Variants in PCM1 observed in about 807,000 individuals in gnomAD.
The protein encoded by PCM1 is pericentriolar material 1 protein.
A neutral mutation model predicts 241.9 loss-of-function variants in PCM1; 157 were observed. That is an observed-to-expected ratio of 0.65 (90% CI 0.57 to 0.74). The LOEUF (loss-of-function observed/expected upper bound fraction) is 0.74. Among genes scored for constraint, PCM1 ranks in the 30% least tolerant of loss-of-function variants. PCM1 has a pLI of 0.00. For synonymous variants in PCM1, 1,085 were observed against 784.9 expected (o/e 1.38, Z -6.39); for missense variants, 3,478 against 2,360.1 (o/e 1.47, Z -9.81).
At chr8:17,996,598 T>G (rs996645971) in intron 29 of PCM1, among the ~76,000 whole-genome samples, 1 of 152,186 alleles carries the variant, frequency 6.6e-6, no homozygotes, top group African/African-American at 2.4e-5. Context: ...TATTTCTGCT[T>G]TGATCTTTAT....
At chr8:18,007,284 A>G (rs540042025) in intron 30 of PCM1, among the ~76,000 whole-genome samples, 2 of 152,282 alleles carry the variant, frequency 1.3e-5, no homozygotes, top group South Asian at 2.1e-4. Flanking sequence ...GATAATCACT[A>G]TTAACTTTTT....
At position 17,990,023 on chromosome 8, in the gene PCM1, T is replaced by C. The variant is rs1050165797; in HGVS notation, c.4531+44T>C. On this transcript the variant is annotated intron_variant, in intron 27 of 38. Transcript: ENST00000325083. ...AATCTTAGAAACAACTTTAAGTTGA[T>C]CTGGTCCAGTCTTTGAATTGGCGTT... is the stretch of plus-strand genomic sequence containing the variant. The C allele has an allele frequency of 4.9e-6, 7 of 1,438,852 alleles. No homozygotes were observed. In the African/African-American group the frequency reaches 8.7e-5, roughly 18 times the overall value. 89.1% of individuals were successfully genotyped at this position (1,438,852 alleles called of 1,614,324 possible).
intron 9 of PCM1, among the ~76,000 whole-genome samples, chr8:17,954,601 C>T (rs1022429534): frequency 1.3e-5 from 2 of 152,024 alleles, no homozygotes; most frequent in Non-Finnish European, 2.9e-5. Context: ...GTAGACTCGT[C>T]AAGGAATAGA....
chr8:17,992,807 G>C (rs1215982237), intron 28 of PCM1, among the ~76,000 whole-genome samples: 1 of 151,644 alleles, frequency 6.6e-6, no homozygotes, highest in Non-Finnish European at 1.5e-5. Flanking sequence ...AGTAGAGATG[G>C]GATTTCAGCA....
Position 17,989,792 on chromosome 8 carries a change from CTGTT to C in PCM1, c.4411-66_4411-63del, listed in dbSNP as rs1296047449. On this transcript the variant is annotated intron_variant, in intron 26 of 38. Transcript: ENST00000325083. ...ATTTTATGTAAATACTTAGTTATCT[CTGTT>C]AGATTATTAATATGAAATTCTTAGA... is the stretch of plus-strand genomic sequence containing the variant. 9 of 1,097,784 alleles carry C rather than the reference CTGTT, an allele frequency of 8.2e-6. No homozygotes were observed. In the African/African-American group the frequency reaches 1.1e-4, roughly 14 times the overall value. The allele number at this position is 1,097,784 out of a possible 1,614,324, so 68.0% of individuals were successfully genotyped here. A position where few individuals can be genotyped will look rare whatever the true frequency, so the allele number is the denominator to read the frequency against.
intron 36 of PCM1, among the ~76,000 whole-genome samples, chr8:18,024,303 C>G (rs907102813): frequency 2.0e-5 from 3 of 152,088 alleles, no homozygotes; most frequent in Admixed American, 6.5e-5. Flanking sequence ...GAGTTCTAGA[C>G]TATGGTGAAC....
Position 17,955,623 on chromosome 8 carries a change from A to C in PCM1, c.1442A>C (p.Glu481Ala). The change falls in exon 10 of 39, where the codon GAA becomes GCA. Residue 481 changes from glutamate to alanine, a missense_variant. Glu to Ala is a moderately radical substitution (Grantham distance 107). Coordinates refer to ENST00000325083, the MANE Select transcript of PCM1 (RefSeq NM_006197.4). ...SLVSQNESEN[E>A]GHLNPSEKLQ... ...GTATCTCAGAATGAGAGTGAAAACG[A>C]AGGCCACCTCAATCCATCTGAAAAA... is the stretch of plus-strand genomic sequence containing the variant. 2 of 1,613,582 alleles carry C rather than the reference A, an allele frequency of 1.2e-6. No homozygotes were observed. Among genetic ancestry groups the C allele is most frequent in the Non-Finnish European group, 1.7e-6 (2 of 1,179,512 alleles).
chr8:17,952,558 A>G (rs1251815351), intron 8 of PCM1, among the ~76,000 whole-genome samples: 1 of 152,186 alleles, frequency 6.6e-6, no homozygotes, highest in African/African-American at 2.4e-5. Flanking sequence ...TAACACAACA[A>G]TTTTTAAAAT....
chr8:18,015,971 C>A (rs561809847), intron 36 of PCM1, among the ~76,000 whole-genome samples: 39 of 152,366 alleles, frequency 2.6e-4, no homozygotes, highest in Non-Finnish European at 4.7e-4. Context: ...TCACTGCAAC[C>A]TCTGCCTCCT....
Position 18,029,256 on chromosome 8 carries a change from T to C in PCM1, c.*1594T>C, listed in dbSNP as rs1047353243. ...ATGAGGATTTCCCTGCGAGGACATT[T>C]ACTGTATTGCTACTTAAATTATGGA... On this transcript the variant is annotated 3_prime_UTR_variant, in exon 39 of 39. Coordinates refer to ENST00000325083, the MANE Select transcript of PCM1 (RefSeq NM_006197.4). 118 of 211,408 alleles carry C rather than the reference T, an allele frequency of 5.6e-4. No homozygotes were observed. The highest frequency in any genetic ancestry group is 2.5e-3 in the African/African-American group (111 of 44,164). The allele number at this position is 211,408 out of a possible 1,614,324, so 13.1% of individuals were successfully genotyped here.
chr8:17,957,499 C>T (rs117021531), intron 12 of PCM1, 41 bp from the exon 13 acceptor site: 30,476 of 1,605,712 alleles, frequency 0.019, 480 homozygotes, highest in South Asian at 0.049. Context: ...GTGCTCTTTC[C>T]TTTAAAAGTT....
At chr8:17,958,616 G>T (rs1159442722) in intron 13 of PCM1, among the ~76,000 whole-genome samples, 2 of 152,024 alleles carry the variant, frequency 1.3e-5, no homozygotes, top group Non-Finnish European at 2.9e-5. Flanking sequence ...TTTTGTGAGT[G>T]AAAAACCTCA....
At chr8:17,991,429 T>C (rs1163136194) in intron 27 of PCM1, 113 bp from the exon 28 acceptor site, 9 of 794,528 alleles carry the variant, frequency 1.1e-5, no homozygotes, top group Non-Finnish European at 1.8e-5. Context: ...TAGAACTTGT[T>C]AAAGCTAATT....
rs181095159 is a variant in PCM1 at position 17,986,095 on chromosome 8, G to T, written c.4410+8G>T. On this transcript the variant is annotated splice_region_variant and intron_variant, in intron 26 of 38. Transcript: ENST00000325083. ...CTTGCTACTACTGATGATGTAAGCT[G>T]ATAATGATTAGTGAATTGTAGATAT... 54 of 1,536,208 alleles carry T rather than the reference G, an allele frequency of 3.5e-5. No homozygotes were observed. The Admixed American group carries it at 8.9e-4, about 25-fold the overall frequency.
rs759857794 is a variant in PCM1 at position 17,962,076 on chromosome 8, A to G, written c.2365A>G (p.Met789Val). The change falls in exon 16 of 39, where the codon ATG becomes GTG. Residue 789 changes from methionine (M) to valine (V), a missense_variant. By Grantham distance (21) the Met-to-Val change is conservative. Transcript: ENST00000325083. The part of the protein sequence containing the change: ...SVGNCPTKKY[M>V]PAVTSTPTVN... ...GGGTAACTGTCCCACCAAAAAATATATGCCAGCTGTTACTTCAACCCCAAC... is the reference window on the plus strand; with the variant it reads ...GGGTAACTGTCCCACCAAAAAATATGTGCCAGCTGTTACTTCAACCCCAAC... 30 of 1,611,830 alleles carry G rather than the reference A, an allele frequency of 1.9e-5. No homozygotes were observed. Among genetic ancestry groups the G allele is most frequent in the Non-Finnish European group, 2.5e-5 (29 of 1,178,754 alleles).
chr8:17,926,349 A>G (rs2056947403), intron 2 of PCM1: 1 of 152,186 alleles, frequency 6.6e-6, no homozygotes, highest in African/African-American at 2.4e-5. Flanking sequence ...GTACAGAACT[A>G]AGAAGACAAC....
At chr8:17,927,496 G>T (rs1281817736) in intron 2 of PCM1, 1 of 151,998 alleles carries the variant, frequency 6.6e-6, no homozygotes, top group African/African-American at 2.4e-5. Context: ...TATTTTCATG[G>T]TAATTAATAC....
At chr8:17,957,192 A>C (rs951979336) in intron 11 of PCM1, 72 bp from the exon 12 acceptor site, 1 of 1,182,078 alleles carries the variant, frequency 8.5e-7, no homozygotes, top group Non-Finnish European at 1.2e-6. Flanking sequence ...TTTTATTAGC[A>C]GTTCTAAACT....
intron 37 of PCM1, 45 bp from the exon 38 acceptor site, chr8:18,025,499 T>C (rs746880754): frequency 6.6e-7 from 1 of 1,518,026 alleles, no homozygotes; most frequent in South Asian, 1.2e-5. Flanking sequence ...TAACAAATAC[T>C]GTTAAAATGA....
Sources: allele counts gnomAD v4.1 joint callset (sites outside exome capture counted in the v4.1 genomes callset), GRCh38; gene constraint gnomAD v4.1.1; transcripts MANE v1.5; gene names NCBI Gene and HGNC (gene_info 2026-07-23, HGNC 2026-07-21).